COL5A2: variants seen among roughly 807,000 people sequenced by gnomAD.
The protein encoded by COL5A2 is collagen alpha-2(V) chain.
In COL5A2, 23 loss-of-function variants were observed where a neutral mutation model predicts 208.2. The ratio of observed to expected loss-of-function variants is 0.11; its 90% CI spans 0.08 to 0.16. COL5A2 has a LOEUF of 0.16. Ranked by LOEUF, COL5A2 falls within the 10% of genes least tolerant of loss-of-function variation. The pLI is 1.00. For synonymous variants in COL5A2, 625 were observed against 628.5 expected, an observed-to-expected ratio of 0.99 and a Z score of 0.08; for missense variants, 1,590 against 1,956.4, an observed-to-expected ratio of 0.81 and a Z score of 3.53.
chr2:189,295,729 G>T, the COL5A2 span, among the ~76,000 whole-genome samples: 11 of 152,128 alleles, frequency 7.2e-5, no homozygotes, highest in Admixed American at 5.9e-4. Context: ...ACAAATTCTG[G>T]TTCCACCGTT....
chr2:189,210,599 C>A (rs1030935543), intron 1 of COL5A2, among the ~76,000 whole-genome samples: 1 of 152,206 alleles, frequency 6.6e-6, no homozygotes, highest in African/African-American at 2.4e-5. Flanking sequence ...ATAAATAATT[C>A]TCCAAATTCC....
chr2:189,395,324 A>C, the COL5A2 span, among the ~76,000 whole-genome samples: 1 of 152,216 alleles, frequency 6.6e-6, no homozygotes, highest in Non-Finnish European at 1.5e-5. Context: ...TATGAACAGA[A>C]ACTGGAAAAA....
At chr2:189,259,754 C>T in the COL5A2 span, among the ~76,000 whole-genome samples, 30 of 152,154 alleles carry the variant, frequency 2.0e-4, no homozygotes, top group Non-Finnish European at 3.5e-4. Flanking sequence ...GTTCAGAAGG[C>T]CTGGAAAGAA....
chr2:189,422,574 C>A, the COL5A2 span, among the ~76,000 whole-genome samples: 1 of 152,274 alleles, frequency 6.6e-6, no homozygotes, highest in East Asian at 1.9e-4. Flanking sequence ...ATATGCAGAA[C>A]ACACATTCTC....
In COL5A2 at chr2:189,048,206, T is replaced by C. The variant is rs1198262663; in HGVS notation, c.3201+3A>G. 6.2e-7 allele frequency: 1 copy of C among 1,613,480 alleles called. No homozygotes were observed. The highest frequency in any genetic ancestry group is 1.3e-5 in the African/African-American group (1 of 75,052). On this transcript the variant is annotated splice_donor_region_variant and intron_variant, in intron 45 of 53. Transcript: ENST00000374866. The stretch of plus-strand genomic sequence containing the variant: ...ATTTTATAATAAGTGAAATGGCTCT[T>C]ACACGTTCTCCAACAGCACCATCCC...
chr2:189,047,360 T>C (rs1476833139), intron 45 of COL5A2, among the ~76,000 whole-genome samples: 2 of 152,218 alleles, frequency 1.3e-5, no homozygotes, highest in Admixed American at 6.5e-5. Context: ...CTGTGGATTA[T>C]AGTAGATGAG....
the COL5A2 span, among the ~76,000 whole-genome samples, chr2:189,340,452 A>G: frequency 2.0e-5 from 3 of 152,198 alleles, no homozygotes; most frequent in African/African-American, 7.2e-5. Flanking sequence ...TTACAACTCC[A>G]AGGAATCTCC....
chr2:189,345,837 T>C, the COL5A2 span, among the ~76,000 whole-genome samples: 2 of 151,850 alleles, frequency 1.3e-5, no homozygotes, highest in South Asian at 4.1e-4. Context: ...AAGGAGAGAA[T>C]AGTGACAGAT....
the COL5A2 span, among the ~76,000 whole-genome samples, chr2:189,356,327 A>G: frequency 2.0e-5 from 3 of 151,190 alleles, no homozygotes; most frequent in African/African-American, 7.3e-5. Flanking sequence ...CAGTCTTGCT[A>G]GGTTGGGGAA....
chr2:189,259,408 A>T, the COL5A2 span, among the ~76,000 whole-genome samples: 1 of 152,206 alleles, frequency 6.6e-6, no homozygotes, highest in African/African-American at 2.4e-5. Flanking sequence ...TAACCATATA[A>T]CATCAATTTT....
At chr2:189,212,363 C>T (rs763795847) in intron 1 of COL5A2, among the ~76,000 whole-genome samples, 16 of 152,158 alleles carry the variant, frequency 1.1e-4, no homozygotes, top group African/African-American at 1.9e-4. Flanking sequence ...ACTTGCTGGG[C>T]GCGGTGGCTC....
the COL5A2 span, among the ~76,000 whole-genome samples, chr2:189,415,143 T>C: frequency 1.3e-5 from 2 of 152,202 alleles, no homozygotes; most frequent in East Asian, 3.8e-4. Flanking sequence ...AGATATAAAC[T>C]TTCCTCTGAA....
At chr2:189,283,350 C>T in the COL5A2 span, among the ~76,000 whole-genome samples, 1 of 151,848 alleles carries the variant, frequency 6.6e-6, no homozygotes, top group African/African-American at 2.4e-5. Context: ...AAAACGTTAC[C>T]CTATGCAATT....
the COL5A2 span, among the ~76,000 whole-genome samples, chr2:189,340,888 C>G: frequency 0.036 from 5,546 of 152,152 alleles, 118 homozygotes; most frequent in Admixed American, 0.05. Context: ...ACGTTTAAAG[C>G]CTCAAAACAT....
At chr2:189,352,384 T>C in the COL5A2 span, among the ~76,000 whole-genome samples, 4 of 152,186 alleles carry the variant, frequency 2.6e-5, no homozygotes, top group Admixed American at 6.5e-5. Context: ...CACACTGTCT[T>C]CCAAAATAGT....
At chr2:189,121,735 T>TTAAA (rs1576540807) in intron 1 of COL5A2, among the ~76,000 whole-genome samples, 1 of 4,344 alleles carries the variant, frequency 2.3e-4, no homozygotes, top group African/African-American at 2.9e-4. Context: ...AGACTCCGTC[T>TTAAA]CAAAAAAAAA....
At chr2:189,242,526 C>T in the COL5A2 span, among the ~76,000 whole-genome samples, 5 of 152,144 alleles carry the variant, frequency 3.3e-5, no homozygotes, top group Admixed American at 1.3e-4. Flanking sequence ...ACTGTACTCA[C>T]CCAAGTCATG....
intron 1 of COL5A2, among the ~76,000 whole-genome samples, chr2:189,132,622 T>C (rs1327596523): frequency 6.6e-6 from 1 of 152,122 alleles, no homozygotes; most frequent in Non-Finnish European, 1.5e-5. Flanking sequence ...TCATTTATTG[T>C]CAAAATTAAT....
At chr2:189,429,180 C>T in the COL5A2 span, among the ~76,000 whole-genome samples, 3 of 152,102 alleles carry the variant, frequency 2.0e-5, no homozygotes, top group South Asian at 2.1e-4. Context: ...TTTAACCATT[C>T]CACAAGGTAT....
Sources: gnomAD v4.1 joint callset for allele counts (sites outside exome capture counted in the v4.1 genomes callset) on GRCh38, gnomAD v4.1.1 for gene constraint, MANE v1.5 for transcripts, NCBI Gene and HGNC (gene_info 2026-07-23, HGNC 2026-07-21) for gene names.